Variants in DPYD observed in about 807,000 individuals in gnomAD.
DPYD encodes the protein dihydropyrimidine dehydrogenase, also known as dihydropyrimidine dehydrogenase [NADP(+)].
DPYD carries 109 observed loss-of-function variants against 116.2 expected under a neutral mutation model. That is an observed-to-expected ratio of 0.94 (90% CI 0.80 to 1.10). The LOEUF (loss-of-function observed/expected upper bound fraction) is 1.10. DPYD is among the 50% of genes least tolerant of loss of function. The probability of loss-of-function intolerance (pLI) is 0.00; values close to 1 mark genes in which losing one functional copy is unlikely to be tolerated. For missense variants in DPYD, 1,302 were observed against 1,254.5 expected, an observed-to-expected ratio of 1.04 and a Z score of -0.57; for synonymous variants, 440 against 432.0, an observed-to-expected ratio of 1.02 and a Z score of -0.23.
intron 1 of DPYD, among the ~76,000 whole-genome samples, chr1:97,898,983 A>G (rs1191690662): frequency 2.0e-5 from 3 of 151,886 alleles, no homozygotes; most frequent in Non-Finnish European, 4.4e-5. Flanking sequence ...CAGCAGCGTG[A>G]GAACAGACTA....
intron 13 of DPYD, among the ~76,000 whole-genome samples, chr1:97,483,843 T>C (rs1678460650): frequency 6.6e-6 from 1 of 151,282 alleles, no homozygotes; most frequent in East Asian, 2.0e-4. Context: ...CCAGAGCGGA[T>C]GGTGATTCCT....
At chr1:97,668,240 G>A (rs985768930) in intron 8 of DPYD, among the ~76,000 whole-genome samples, 1 of 152,044 alleles carries the variant, frequency 6.6e-6, no homozygotes, top group Non-Finnish European at 1.5e-5. Context: ...TTTAAAAAAT[G>A]ATTAAATTCT....
chr1:97,757,870 G>GA (rs531216078), intron 3 of DPYD, among the ~76,000 whole-genome samples: 25 of 152,006 alleles, frequency 1.6e-4, no homozygotes, highest in Middle Eastern at 3.4e-3. Context: ...ATCTCTTTAG[G>GA]AAAAAAATGA....
In DPYD at chr1:97,628,359, A is replaced by G. The variant is rs150341025; in HGVS notation, c.851-33193T>C. On this transcript the variant is annotated intron_variant, in intron 8 of 22. Coordinates refer to ENST00000370192, the MANE Select transcript of DPYD (RefSeq NM_000110.4). ...AATACGTATCACATTCCTAGACACC[A>G]CTCAGTATACACAGTGATTTTTCTT... Among the ~76,000 whole-genome samples, 106 of 152,078 alleles carry G rather than the reference A, an allele frequency of 7.0e-4. 1 individual carries two copies. Among genetic ancestry groups the G allele is most frequent in the Admixed American group, 5.0e-3 (77 of 15,248 alleles).
intron 1 of DPYD, among the ~76,000 whole-genome samples, chr1:97,918,288 G>A (rs1338117936): frequency 6.6e-6 from 1 of 152,028 alleles, no homozygotes; most frequent in African/African-American, 2.4e-5. Flanking sequence ...TTTTCCATGT[G>A]CAATTCAGAG....
chr1:97,491,075 A>G (rs2101903829), intron 13 of DPYD, among the ~76,000 whole-genome samples: 1 of 148,304 alleles, frequency 6.7e-6, no homozygotes, highest in Admixed American at 6.8e-5. Context: ...AAAAATATTT[A>G]TAATATATAA....
intron 8 of DPYD, among the ~76,000 whole-genome samples, chr1:97,650,971 AATGATAG>A (rs1207739336): frequency 6.6e-6 from 1 of 152,134 alleles, no homozygotes; most frequent in African/African-American, 2.4e-5. Flanking sequence ...TCAATCATAA[AATGATAG>A]ATTATTCAAA....
intron 18 of DPYD, among the ~76,000 whole-genome samples, chr1:97,304,473 T>G (rs1201726404): frequency 6.6e-6 from 1 of 152,006 alleles, no homozygotes; most frequent in Non-Finnish European, 1.5e-5. Flanking sequence ...TCAGCATGGA[T>G]AGAGCTTTAT....
intron 18 of DPYD, among the ~76,000 whole-genome samples, chr1:97,252,564 T>A (rs965398884): frequency 3.3e-5 from 5 of 152,172 alleles, no homozygotes; most frequent in Middle Eastern, 6.3e-3. Flanking sequence ...GCATCACAGA[T>A]ATGTTAAATC....
At chr1:97,645,956 T>G (rs1423778147) in intron 8 of DPYD, among the ~76,000 whole-genome samples, 3 of 152,086 alleles carry the variant, frequency 2.0e-5, no homozygotes, top group African/African-American at 7.2e-5. Flanking sequence ...TTGGTTTCAG[T>G]GTTTTCTGTT....
At chr1:97,609,512 T>C (rs1655802695) in intron 8 of DPYD, among the ~76,000 whole-genome samples, 1 of 152,018 alleles carries the variant, frequency 6.6e-6, no homozygotes, top group South Asian at 2.1e-4. Context: ...TAAAAATATT[T>C]CTTATATACT....
chr1:97,556,368 A>G (rs1369434620), intron 11 of DPYD, among the ~76,000 whole-genome samples: 3 of 135,186 alleles, frequency 2.2e-5, no homozygotes, highest in Non-Finnish European at 4.9e-5. Flanking sequence ...TCTTTTTTTT[A>G]TTATACTTTA....
rs1653323734 is a variant in DPYD, at chr1:97,131,339, T to G, written c.2623-32707A>C. Reference sequence around the variant, plus strand: ...TGTGTGGTATTTTTCCCTGCTATAATCCTCATACAGAATATCTGAAAGAGA... The same window carrying G: ...TGTGTGGTATTTTTCCCTGCTATAAGCCTCATACAGAATATCTGAAAGAGA... On this transcript the variant is annotated intron_variant, in intron 20 of 22. Coordinates refer to ENST00000370192, the MANE Select transcript of DPYD (RefSeq NM_000110.4). 2.0e-5 allele frequency among the ~76,000 whole-genome samples: 3 copies of G among 152,254 alleles called. No homozygotes were observed. In the South Asian group the frequency reaches 6.2e-4, roughly 32 times the overall value.
chr1:97,790,462 A>G (rs1237116906), intron 3 of DPYD, among the ~76,000 whole-genome samples: 1 of 152,224 alleles, frequency 6.6e-6, no homozygotes, highest in Non-Finnish European at 1.5e-5. Context: ...CAGAATTTAC[A>G]CATTTCAAAC....
intron 13 of DPYD, among the ~76,000 whole-genome samples, chr1:97,498,093 A>G (rs1192817363): frequency 1.3e-5 from 2 of 151,792 alleles, no homozygotes; most frequent in Non-Finnish European, 3.0e-5. Context: ...TTTTGTTTAT[A>G]TCAAATGTAC....
intron 13 of DPYD, among the ~76,000 whole-genome samples, chr1:97,507,742 C>A (rs2101950809): frequency 6.6e-6 from 1 of 152,054 alleles, no homozygotes; most frequent in East Asian, 1.9e-4. Context: ...TAGGTGCTGG[C>A]AATTTGTGCA....
At chr1:97,864,010 T>C (rs1336874022) in intron 2 of DPYD, among the ~76,000 whole-genome samples, 1 of 151,948 alleles carries the variant, frequency 6.6e-6, no homozygotes, top group Non-Finnish European at 1.5e-5. Flanking sequence ...AGGAACTTAG[T>C]AGGTAAAGGA....
At chr1:97,904,031 T>C (rs964212762) in intron 1 of DPYD, among the ~76,000 whole-genome samples, 9 of 151,816 alleles carry the variant, frequency 5.9e-5, no homozygotes, top group African/African-American at 2.2e-4. Context: ...AGGGAGGGCT[T>C]AAAATCAGCA....
intron 11 of DPYD, among the ~76,000 whole-genome samples, chr1:97,559,744 C>T (rs1243382282): frequency 6.6e-6 from 1 of 151,782 alleles, no homozygotes; most frequent in Non-Finnish European, 1.5e-5. Context: ...AGTAAATGTG[C>T]AATTCAAAAG....
Sources: gnomAD v4.1 joint callset for allele counts (sites outside exome capture counted in the v4.1 genomes callset) on GRCh38, gnomAD v4.1.1 for gene constraint, MANE v1.5 for transcripts, NCBI Gene and HGNC (gene_info 2026-07-23, HGNC 2026-07-21) for gene names.